The following GNB1L variants were observed in gnomAD, a reference collection of about 807,000 sequenced individuals.
The protein encoded by GNB1L is G protein subunit beta 1 like, also known as guanine nucleotide-binding protein subunit beta-like protein 1.
GNB1L carries 20 observed loss-of-function variants against 29.1 expected under a neutral mutation model. The ratio of observed to expected loss-of-function variants is 0.69; its 90% CI spans 0.48 to 1.00. The LOEUF (loss-of-function observed/expected upper bound fraction) is 1.00, where lower values mean the gene tolerates loss of function less well. GNB1L is among the 50% of genes least tolerant of loss of function. The pLI, the probability that GNB1L is intolerant of heterozygous loss-of-function variation, is 0.00. For synonymous variants in GNB1L, 193 were observed against 206.5 expected, an observed-to-expected ratio of 0.93 and a Z score of 0.56; for missense variants, 421 against 464.9, an observed-to-expected ratio of 0.91 and a Z score of 0.87.
intron 2 of GNB1L, chr22:19,849,862 G>A: frequency 5.1e-6 from 5 of 985,442 alleles, no homozygotes; most frequent in Non-Finnish European, 6.0e-6. Flanking sequence ...TGCACACACT[G>A]GGCGGCTGTA....
intron 6 of GNB1L, 79 bp from the exon 7 acceptor site, chr22:19,802,295 A>T: frequency 2.5e-6 from 3 of 1,176,904 alleles, no homozygotes; most frequent in Non-Finnish European, 3.7e-6. Context: ...GGCTCTGGAA[A>T]TTCCTGCCCC....
chr22:19,845,174 T>C (rs1937934107), intron 2 of GNB1L, among the ~76,000 whole-genome samples: 1 of 152,120 alleles, frequency 6.6e-6, no homozygotes, highest in Admixed American at 6.5e-5. Context: ...GCCAGGTGTA[T>C]GTCTCATCAA....
rs778745424 is a variant in GNB1L at position 19,820,713 on chromosome 22, C to T, written c.139G>A (p.Gly47Ser). 1.2e-6 allele frequency: 2 copies of T among 1,612,132 alleles called. No individual in the cohort carries two copies. Among genetic ancestry groups the T allele is most frequent in the South Asian group, 2.2e-5 (2 of 91,020 alleles). ...TGCAGGCTCCAGATGTGTACCAGGC[C>T]ACTCTGAGACCTGTTTCAGACAAGC... is the stretch of plus-strand genomic sequence containing the variant. ...RPLLFSGSQSGLVHIWSLQTR... is the reference protein window; with the variant it reads ...RPLLFSGSQSSLVHIWSLQTR... Residue 47 changes from glycine to serine, a missense_variant, in exon 4 of 8, where the codon GGC becomes AGC. Transcript: ENST00000329517.
Position 19,788,496 on chromosome 22 carries a change from G to A in GNB1L, c.*213C>T, listed in dbSNP as rs2073768. ...CCAACGTCTCCTGCAGGCCTCGGAC[G>A]GCCAGGGCTCTGGCTGGCCCCCAGA... On this transcript the variant is annotated 3_prime_UTR_variant, in exon 8 of 8. Transcript: ENST00000329517. 0.14 allele frequency: 98,314 copies of A among 679,900 alleles called. 9,818 individuals carry two copies. The highest frequency in any genetic ancestry group is 0.46 in the East Asian group (16,879 of 36,878). 42.1% of individuals were successfully genotyped at this position (679,900 alleles called of 1,614,324 possible).
chr22:19,792,710 A>G (rs866374495), intron 7 of GNB1L: 1 of 1,480,026 alleles, frequency 6.8e-7, no homozygotes, highest in South Asian at 1.2e-5. Context: ...TTCGAGCAGG[A>G]GTTAACATCG....
intron 2 of GNB1L, chr22:19,851,484 T>C: frequency 6.2e-7 from 1 of 1,614,062 alleles, no homozygotes; most frequent in Non-Finnish European, 8.5e-7. Context: ...CTCTCCTTGG[T>C]CAGCTGCTGC....
At chr22:19,824,733 C>T (rs1473674188) in intron 2 of GNB1L, among the ~76,000 whole-genome samples, 7 of 152,232 alleles carry the variant, frequency 4.6e-5, no homozygotes, top group Admixed American at 2.0e-4. Context: ...GGTCCACAGA[C>T]ACCCCACTCA....
chr22:19,837,027 C>T (rs1032945342), intron 2 of GNB1L, among the ~76,000 whole-genome samples: 6 of 150,138 alleles, frequency 4.0e-5, no homozygotes, highest in East Asian at 3.9e-4. Context: ...AGTGCAGTGG[C>T]GCGATCTCGG....
intron 2 of GNB1L, among the ~76,000 whole-genome samples, chr22:19,832,132 C>T (rs768000128): frequency 1.9e-4 from 29 of 152,166 alleles, no homozygotes; most frequent in Non-Finnish European, 4.0e-4. Context: ...GAGTTCAAGA[C>T]CAGCCTGGGC....
intron 2 of GNB1L, among the ~76,000 whole-genome samples, chr22:19,829,727 A>G (rs1937653623): frequency 6.6e-6 from 1 of 152,324 alleles, no homozygotes; most frequent in African/African-American, 2.4e-5. Context: ...TAATAGATAT[A>G]ATGAGAAAAA....
rs1393136036 is a variant in GNB1L at position 19,802,112 on chromosome 22, A to G, written c.621T>C (p.His207=). 2 of 1,613,314 alleles carry G rather than the reference A, an allele frequency of 1.2e-6. No individual in the cohort carries two copies. Among genetic ancestry groups the G allele is most frequent in the Admixed American group, 3.3e-5 (2 of 60,008 alleles). Residue 207 remains histidine, a synonymous_variant, in exon 7 of 8, where the codon CAT becomes CAC. Transcript: ENST00000329517. The part of the protein sequence containing the change: ...EQKVCSRIAC[H]EEPVMDLDFD... The stretch of plus-strand genomic sequence containing the variant: ...AGTCAAGGTCCATGACGGGCTCCTC[A>G]TGGCAGGCGATGCGGCTGCACACCT...
At chr22:19,833,596 G>C (rs1937715707) in intron 2 of GNB1L, among the ~76,000 whole-genome samples, 1 of 152,158 alleles carries the variant, frequency 6.6e-6, no homozygotes, top group African/African-American at 2.4e-5. Context: ...GGACGCGGTA[G>C]TTCACACCTG....
chr22:19,817,071 T>C (rs545637627), intron 4 of GNB1L, among the ~76,000 whole-genome samples: 1 of 152,276 alleles, frequency 6.6e-6, no homozygotes, highest in African/African-American at 2.4e-5. Context: ...CTGGGAGACA[T>C]GGAGAGAGGT....
chr22:19,831,297 GAA>G (rs949690486), intron 2 of GNB1L, among the ~76,000 whole-genome samples: 20 of 150,350 alleles, frequency 1.3e-4, no homozygotes, highest in East Asian at 5.8e-4. Context: ...CCCAGGAGGC[GAA>G]AGTTGCAGTG....
intron 5 of GNB1L, among the ~76,000 whole-genome samples, chr22:19,810,153 G>T (rs1937482244): frequency 6.6e-6 from 1 of 152,228 alleles, no homozygotes; most frequent in Non-Finnish European, 1.5e-5. Context: ...GGAGGTAGGG[G>T]ACTTAAGCCA....
At chr22:19,831,597 A>G (rs1289010088) in intron 2 of GNB1L, among the ~76,000 whole-genome samples, 2 of 151,528 alleles carry the variant, frequency 1.3e-5, no homozygotes, top group Admixed American at 6.6e-5. Flanking sequence ...AGGCTGAGGT[A>G]GGAGAATGGC....
chr22:19,821,716 C>T (rs973302764), intron 2 of GNB1L, among the ~76,000 whole-genome samples: 5 of 152,224 alleles, frequency 3.3e-5, no homozygotes, highest in African/African-American at 1.2e-4. Flanking sequence ...CCCACCTGAG[C>T]CATCCCTGAG....
At chr22:19,841,705 A>G (rs150028615) in intron 2 of GNB1L, among the ~76,000 whole-genome samples, 6 of 152,276 alleles carry the variant, frequency 3.9e-5, no homozygotes, top group African/African-American at 1.4e-4. Context: ...ATAATTTACT[A>G]TCTTATTTTT....
Position 19,802,223 on chromosome 22 carries a change from G to T in GNB1L, c.517-7C>A. ...GGCGGGAGCTGCAGTCGGCCTGCGG[G>T]GAACAGCAGAGCAGTCAGCTCCTGG... On this transcript the variant is annotated splice_region_variant and splice_polypyrimidine_tract_variant and intron_variant, in intron 6 of 7. Coordinates refer to ENST00000329517, the MANE Select transcript of GNB1L (RefSeq NM_053004.3). 1.2e-6 allele frequency: 2 copies of T among 1,610,940 alleles called. No homozygotes were observed. Among genetic ancestry groups the T allele is most frequent in the African/African-American group, 1.3e-5 (1 of 75,038 alleles).
Sources: allele counts gnomAD v4.1 joint callset (sites outside exome capture counted in the v4.1 genomes callset), GRCh38; gene constraint gnomAD v4.1.1; transcripts MANE v1.5; gene names NCBI Gene and HGNC (gene_info 2026-07-23, HGNC 2026-07-21).